MYL6: variants seen among roughly 807,000 people sequenced by gnomAD.
The protein encoded by MYL6 is myosin light chain 6.
A neutral mutation model predicts 20.3 loss-of-function variants in MYL6; 20 were observed. That is an observed-to-expected ratio of 0.98 (90% CI 0.69 to 1.43). The LOEUF (loss-of-function observed/expected upper bound fraction) is 1.43. Among genes scored for constraint, MYL6 ranks in the 40% most tolerant of loss-of-function variants. The pLI is 0.00. For synonymous variants in MYL6, 77 were observed against 72.4 expected (o/e 1.06, Z -0.32); for missense variants, 164 against 191.0 (o/e 0.86, Z 0.83).
At chr12:56,159,092 T>C in intron 2 of MYL6, 1 of 455,434 alleles carries the variant, frequency 2.2e-6, no homozygotes, top group Non-Finnish European at 3.6e-6. Flanking sequence ...AGCTTGCAGT[T>C]GTGAAGATTG....
At chr12:56,160,791 T>C in intron 6 of MYL6, 121 bp downstream of exon 6, 1 of 1,134,738 alleles carries the variant, frequency 8.8e-7, no homozygotes, top group South Asian at 1.4e-5. Flanking sequence ...GGCATGTTTC[T>C]GCATGGAGCT....
chr12:56,159,274 G>A (rs1040461876), intron 2 of MYL6: 1 of 365,624 alleles, frequency 2.7e-6, no homozygotes, highest in Non-Finnish European at 5.0e-6. Flanking sequence ...ATAAGGACAG[G>A]ACTGAGACTG....
chr12:56,160,897 GC>G (rs2136919203), intron 6 of MYL6: 2 of 596,892 alleles, frequency 3.4e-6, no homozygotes, highest in East Asian at 5.6e-5. Flanking sequence ...TACTTATGCG[GC>G]CCTGGGTGCT....
At chr12:56,158,513 C>G in intron 1 of MYL6, 109 bp downstream of exon 1, 1 of 1,600,816 alleles carries the variant, frequency 6.2e-7, no homozygotes, top group Non-Finnish European at 8.5e-7. Context: ...ATCTGAGGAC[C>G]CGAAAGGTTG....
At chr12:56,158,465 G>C (rs746680998) in intron 1 of MYL6, 61 bp downstream of exon 1, 2 of 1,562,756 alleles carry the variant, frequency 1.3e-6, no homozygotes, top group East Asian at 4.5e-5. Context: ...AGAGACGGGT[G>C]GGGGGCGAGG....
intron 1 of MYL6, 44 bp from the exon 2 acceptor site, chr12:56,158,640 G>C (rs1232303777): frequency 6.2e-7 from 1 of 1,613,946 alleles, no homozygotes; most frequent in Non-Finnish European, 8.5e-7. Flanking sequence ...GAAACTCGGG[G>C]GATTGGCGTT....
At chr12:56,160,500 G>C (rs538010969) in intron 5 of MYL6, 126 bp from the exon 6 acceptor site, 14 of 1,408,612 alleles carry the variant, frequency 9.9e-6, no homozygotes, top group African/African-American at 5.7e-5. Flanking sequence ...GGAAAGGAAG[G>C]GGGTAGTATT....
intron 2 of MYL6, chr12:56,159,240 C>G: frequency 3.3e-6 from 1 of 302,166 alleles, no homozygotes; most frequent in South Asian, 4.6e-5. Flanking sequence ...GACCCTAGTC[C>G]CAGGCTGCTG....
rs146606390 is a variant in MYL6, at chr12:56,160,651, G to A, written c.453G>A (p.Gly151=). 4.3e-6 allele frequency: 7 copies of A among 1,614,166 alleles called. No individual in the cohort carries two copies. Among genetic ancestry groups the A allele is most frequent in the Non-Finnish European group, 5.9e-6 (7 of 1,180,006 alleles). The change falls in exon 6 of 7, where the codon GGG becomes GGA. Residue 151 remains glycine (G), a synonymous_variant. Transcript: ENST00000550697. ...YEAFVRHILS[G] is the part of the protein sequence containing the mutation. ...CGTTTGTGAGGCATATCCTGTCGGG[G>A]TGACGGGCCCATGGGGCGGGTACGG... is the stretch of plus-strand genomic sequence containing the variant.
chr12:56,159,825 G>C, intron 3 of MYL6, 95 bp downstream of exon 3: 1 of 1,537,860 alleles, frequency 6.5e-7, no homozygotes, highest in Non-Finnish European at 8.7e-7. Flanking sequence ...CCAAACTCAA[G>C]CAAGTCTGGA....
At chr12:56,159,898 T>C (rs1466154578) in intron 3 of MYL6, 77 bp from the exon 4 acceptor site, 84 of 1,539,812 alleles carry the variant, frequency 5.5e-5, no homozygotes, top group South Asian at 1.7e-4. Context: ...CTCTGTTCAG[T>C]TGAGGTCTCT....
chr12:56,158,513 C>T (rs1434920498), intron 1 of MYL6, 109 bp downstream of exon 1: 4 of 1,600,698 alleles, frequency 2.5e-6, no homozygotes, highest in Non-Finnish European at 3.4e-6. Flanking sequence ...ATCTGAGGAC[C>T]CGAAAGGTTG....
chr12:56,160,655 C>CA lies in MYL6; in HGVS notation c.*1_*2insA. ...TGTGAGGCATATCCTGTCGGGGTGA[C>CA]GGGCCCATGGGGCGGGTACGGCTCC... On this transcript the variant is annotated 3_prime_UTR_variant, in exon 6 of 7. Transcript: ENST00000550697. 6.2e-7 allele frequency: 1 copy of CA among 1,614,090 alleles called. No individual in the cohort carries two copies.
At position 56,160,066 on chromosome 12, in the gene MYL6, T is replaced by C. The variant is rs1481157949; in HGVS notation, c.267T>C (p.Tyr89=). Residue 89 remains tyrosine (Y), a synonymous_variant, in exon 4 of 7, where the codon TAT becomes TAC. Transcript: ENST00000550697. ...KNKDQGTYED[Y]VEGLRVFDKE... is the part of the protein sequence containing the mutation. ...AGGACCAGGGCACCTATGAGGATTA[T>C]GTCGAAGGACTTCGGGTGTTTGACA... The C allele has an allele frequency of 5.0e-6, 8 of 1,614,088 alleles. No homozygotes were observed. In the Admixed American group the frequency reaches 1.3e-4, roughly 27 times the overall value.
chr12:56,158,995 G>T (rs1048197652), intron 2 of MYL6: 3 of 1,314,264 alleles, frequency 2.3e-6, no homozygotes, highest in African/African-American at 1.5e-5. Flanking sequence ...TCTCGGGAGG[G>T]TGTATAAAGC....
intron 1 of MYL6, 111 bp downstream of exon 1, chr12:56,158,515 G>C: frequency 1.2e-6 from 2 of 1,602,794 alleles, no homozygotes; most frequent in Non-Finnish European, 1.7e-6. Context: ...CTGAGGACCC[G>C]AAAGGTTGGA....
chr12:56,161,370 A>C lies in MYL6; in HGVS notation c.*17-17A>C. The C allele has an allele frequency of 6.2e-7, 1 of 1,613,732 alleles. No individual in the cohort carries two copies. Among genetic ancestry groups the C allele is most frequent in the Non-Finnish European group, 8.5e-7 (1 of 1,179,906 alleles). On this transcript the variant is annotated splice_polypyrimidine_tract_variant and intron_variant, in intron 6 of 6. Transcript: ENST00000550697. ...ACAGCCCTGTTCCCTGGCTCATCCC[A>C]CCTTTCCTTTCCACAGAGCTCGTCC...
intron 6 of MYL6, 29 bp downstream of exon 6, chr12:56,160,699 T>G: frequency 6.2e-7 from 1 of 1,611,724 alleles, no homozygotes; most frequent in Non-Finnish European, 8.5e-7. Flanking sequence ...TCTCCTCTAG[T>G]TGATCTCCCC....
intron 6 of MYL6, 81 bp downstream of exon 6, chr12:56,160,751 C>T: frequency 7.0e-7 from 1 of 1,438,418 alleles, no homozygotes; most frequent in Non-Finnish European, 9.7e-7. Flanking sequence ...TATCCCCTGC[C>T]CTTACCCTAC....
Sources: gnomAD v4.1 joint callset for allele counts on GRCh38, gnomAD v4.1.1 for gene constraint, MANE v1.5 for transcripts, NCBI Gene and HGNC (gene_info 2026-07-23, HGNC 2026-07-21) for gene names.